The following APLN variants were observed in gnomAD, a reference collection of about 807,000 sequenced individuals.
APLN encodes AGTRL1 ligand.
A neutral mutation model predicts 4.3 loss-of-function variants in APLN; 2 were observed. The observed-to-expected ratio is 0.46, with a 90% confidence interval of 0.19 to 1.45. The LOEUF (loss-of-function observed/expected upper bound fraction) is 1.45. Among genes scored for constraint, APLN ranks in the 40% most tolerant of loss-of-function variants. The probability of loss-of-function intolerance (pLI) is 0.25; values close to 1 mark genes in which losing one functional copy is unlikely to be tolerated. For synonymous variants in APLN, 34 were observed against 30.4 expected (o/e 1.12, Z -0.38); for missense variants, 80 against 70.0 (o/e 1.14, Z -0.51).
intron 1 of APLN, among the ~76,000 whole-genome samples, chrX:129,651,696 A>G (rs912917271): frequency 5.3e-5 from 6 of 112,188 alleles, no homozygotes; most frequent in Admixed American, 2.8e-4. Context: ...CTGAACTCCA[A>G]CCCTGCCAAT....
rs759176049 is a variant in APLN at position 129,647,380 on chromosome X, C to T, written c.*543G>A. 1.2e-5 allele frequency: 3 copies of T among 242,866 alleles called. No individual in the cohort carries two copies. Among genetic ancestry groups the T allele is most frequent in the African/African-American group, 2.9e-5 (1 of 34,907 alleles). 20.0% of individuals were successfully genotyped at this position (242,866 alleles called of 1,213,427 possible). ...CCAGAGCTCCTGAAAACCACCCTGGCACTTCCATGCCCCCAATGTGCCCTG... is the reference window on the plus strand; with the variant it reads ...CCAGAGCTCCTGAAAACCACCCTGGTACTTCCATGCCCCCAATGTGCCCTG... On this transcript the variant is annotated 3_prime_UTR_variant, in exon 3 of 3. Coordinates refer to ENST00000429967, the MANE Select transcript of APLN (RefSeq NM_017413.5).
chrX:129,654,471 C>G, intron 1 of APLN, 93 bp downstream of exon 1: 1 of 880,650 alleles, frequency 1.1e-6, no homozygotes, highest in Middle Eastern at 4.1e-4. Context: ...CGGCTCGCGC[C>G]GGGCTCCCCG....
chrX:129,651,316 G>C (rs1381231068), intron 1 of APLN, among the ~76,000 whole-genome samples: 1 of 109,939 alleles, frequency 9.1e-6, no homozygotes, highest in African/African-American at 3.3e-5. Context: ...CCCGCACTCT[G>C]AGCCCGTCAC....
At position 129,646,685 on chromosome X, in the gene APLN, G is replaced by A. The variant is rs1423367038; in HGVS notation, c.*1238C>T. ...CCTGAAAACCACCCTGGGGTTGAGC[G>A]GTAGTCTCAGTGCCTGAGCCGCCCC... On this transcript the variant is annotated 3_prime_UTR_variant, in exon 3 of 3. Coordinates refer to ENST00000429967, the MANE Select transcript of APLN (RefSeq NM_017413.5). The A allele has an allele frequency of 2.7e-5, 3 of 112,008 alleles. No individual in the cohort carries two copies. Among genetic ancestry groups the A allele is most frequent in the East Asian group, 2.8e-4 (1 of 3,510 alleles). 9.2% of individuals were successfully genotyped at this position (112,008 alleles called of 1,213,427 possible).
intron 1 of APLN, 118 bp downstream of exon 1, chrX:129,654,446 G>T: frequency 1.6e-6 from 1 of 615,051 alleles, no homozygotes; most frequent in Non-Finnish European, 2.2e-6. Context: ...TGGCCGGCGC[G>T]TGGCTGCTAC....
rs1936933452 is a variant in APLN, at chrX:129,645,433, T to C, written c.*2490A>G. The C allele has an allele frequency of 8.9e-6, 1 of 112,271 alleles. No homozygotes were observed. The highest frequency in any genetic ancestry group is 1.9e-5 in the Non-Finnish European group (1 of 53,257). The allele number at this position is 112,271 out of a possible 1,213,427, so 9.3% of individuals were successfully genotyped here. Reference sequence around the variant, plus strand: ...AAAAAGTCCTGAAAGTGTTCAAAAGTAGATAAAATAGCAGAAGACACCCAC... The same window carrying C: ...AAAAAGTCCTGAAAGTGTTCAAAAGCAGATAAAATAGCAGAAGACACCCAC... On this transcript the variant is annotated 3_prime_UTR_variant, in exon 3 of 3. Coordinates refer to ENST00000429967, the MANE Select transcript of APLN (RefSeq NM_017413.5).
chrX:129,645,930 T>C lies in APLN; in HGVS notation c.*1993A>G, dbSNP rs753465953. On this transcript the variant is annotated 3_prime_UTR_variant, in exon 3 of 3. Coordinates refer to ENST00000429967, the MANE Select transcript of APLN (RefSeq NM_017413.5). ...GCCTTAATATCTTTGTATAAATTAG[T>C]ATAAGAATCATAAACAACCACTTTA... 1.8e-5 allele frequency: 2 copies of C among 112,567 alleles called. No individual in the cohort carries two copies. Among genetic ancestry groups the C allele is most frequent in the Non-Finnish European group, 3.8e-5 (2 of 53,250 alleles). The allele number at this position is 112,567 out of a possible 1,213,427, so 9.3% of individuals were successfully genotyped here. A position where few individuals can be genotyped will look rare whatever the true frequency, so the allele number is the denominator to read the frequency against.
At chrX:129,649,358 G>A (rs1256903837) in intron 1 of APLN, among the ~76,000 whole-genome samples, 1 of 111,407 alleles carries the variant, frequency 9.0e-6, no homozygotes, top group Non-Finnish European at 1.9e-5. Context: ...TTGATATGCA[G>A]GATGACCCAC....
intron 1 of APLN, among the ~76,000 whole-genome samples, chrX:129,649,592 C>G (rs778649889): frequency 1.7e-3 from 186 of 111,551 alleles, no homozygotes; most frequent in African/African-American, 5.7e-3. Flanking sequence ...ATAAATGAAA[C>G]AATGGTCACC....
intron 1 of APLN, 114 bp downstream of exon 1, chrX:129,654,450 C>T: frequency 1.5e-6 from 1 of 654,260 alleles, no homozygotes; most frequent in Non-Finnish European, 2.1e-6. Context: ...CGGCGCGTGG[C>T]TGCTACTGCA....
At chrX:129,650,723 C>T (rs146684031) in intron 1 of APLN, among the ~76,000 whole-genome samples, 2,421 of 112,060 alleles carry the variant, frequency 0.022, 35 homozygotes, top group Admixed American at 0.072. Flanking sequence ...ACCCTCTTGG[C>T]GCCATCTGTG....
intron 1 of APLN, among the ~76,000 whole-genome samples, chrX:129,650,088 T>A (rs1936969678): frequency 9.0e-6 from 1 of 110,647 alleles, no homozygotes; most frequent in Non-Finnish European, 1.9e-5. Context: ...AGATAATGAA[T>A]AACAGTCTCT....
In APLN at chrX:129,654,589, C is replaced by G. The variant is rs1355506934; in HGVS notation, c.42G>C (p.Trp14Cys). 7 of 1,156,234 alleles carry G rather than the reference C, an allele frequency of 6.1e-6. No homozygotes were observed. The highest frequency in any genetic ancestry group is 6.9e-6 in the Non-Finnish European group (6 of 869,577). Residue 14 changes from tryptophan to cysteine, a missense_variant, in exon 1 of 3, where the codon TGG becomes TGC. Trp to Cys is a radical substitution (Grantham distance 215). Transcript: ENST00000429967. ...RLCVQALLLLWLSLTAVCGGS... is the reference protein window; with the variant it reads ...RLCVQALLLLCLSLTAVCGGS... ...CTCCACACACCGCGGTCAAGGAGAG[C>G]CAGAGCAGCAGGAGCGCCTGCACGC... is the stretch of plus-strand genomic sequence containing the variant.
In APLN at chrX:129,654,597, G is replaced by A. The variant is rs775968207; in HGVS notation, c.34C>T (p.Leu12=). 15 of 1,154,777 alleles carry A rather than the reference G, an allele frequency of 1.3e-5. No individual in the cohort carries two copies. Among genetic ancestry groups the A allele is most frequent in the Middle Eastern group, 5.7e-4 (2 of 3,501 alleles). The change falls in exon 1 of 3, where the codon CTG becomes TTG. Residue 12 remains leucine (L), a synonymous_variant. Transcript: ENST00000429967. ...ACCGCGGTCAAGGAGAGCCAGAGCA[G>A]CAGGAGCGCCTGCACGCAGAGCCGC... The part of the protein sequence containing the change: ...NLRLCVQALL[L]LWLSLTAVCG...
At chrX:129,647,955 A>G (rs368048631) in intron 2 of APLN, 38 bp from the exon 3 acceptor site, 30 of 976,959 alleles carry the variant, frequency 3.1e-5, no homozygotes, top group Admixed American at 9.2e-5. Flanking sequence ...AGTCATGGAC[A>G]TATCCTAGGC....
At position 129,651,619 on chromosome X, in the gene APLN, G is replaced by A. The variant is rs188656290; in HGVS notation, c.68-2827C>T. On this transcript the variant is annotated intron_variant, in intron 1 of 2. Coordinates refer to ENST00000429967, the MANE Select transcript of APLN (RefSeq NM_017413.5). The stretch of plus-strand genomic sequence containing the variant: ...TGCCTGCTGAAGTGCCATCAGCCAC[G>A]AAGCTACAACATCTCCACGCTGAGA... Among the ~76,000 whole-genome samples the A allele has an allele frequency of 7.8e-4, 88 of 112,251 alleles. No individual in the cohort carries two copies. In the East Asian group the frequency reaches 0.017, roughly 22 times the overall value.
chrX:129,652,339 T>C (rs905250430), intron 1 of APLN, among the ~76,000 whole-genome samples: 8 of 111,100 alleles, frequency 7.2e-5, no homozygotes, highest in Admixed American at 1.9e-4. Flanking sequence ...GGGGTGGACA[T>C]TTCAAGTCAG....
In APLN at chrX:129,647,851, G is replaced by A; in HGVS notation, c.*72C>T. ...GAGCTGAATGGACGTGAGGCCTCCA[G>A]AGAAGCAGACCAATCTATGGAGGAG... On this transcript the variant is annotated 3_prime_UTR_variant, in exon 3 of 3. Transcript: ENST00000429967. 1.0e-6 allele frequency: 1 copy of A among 983,416 alleles called. No homozygotes were observed. Among genetic ancestry groups the A allele is most frequent in the Non-Finnish European group, 1.3e-6 (1 of 756,208 alleles). 81.0% of individuals were successfully genotyped at this position (983,416 alleles called of 1,213,427 possible). A position where few individuals can be genotyped will look rare whatever the true frequency, so the allele number is the denominator to read the frequency against.
At chrX:129,648,186 A>G (rs1936953351) in intron 2 of APLN, among the ~76,000 whole-genome samples, 1 of 111,375 alleles carries the variant, frequency 9.0e-6, no homozygotes, top group African/African-American at 3.3e-5. Context: ...GGGCAACCAC[A>G]GCCACAACTG....
Sources: gnomAD v4.1 joint callset for allele counts (sites outside exome capture counted in the v4.1 genomes callset) on GRCh38, gnomAD v4.1.1 for gene constraint, MANE v1.5 for transcripts, NCBI Gene and HGNC (gene_info 2026-07-23, HGNC 2026-07-21) for gene names.